PCDHA1: variants seen among roughly 807,000 people sequenced by gnomAD.
PCDHA1 encodes the protein protocadherin alpha 1, also known as protocadherin alpha-1.
Under a neutral mutation model 61.3 loss-of-function variants are expected in PCDHA1, and 42 were observed. The ratio of observed to expected loss-of-function variants is 0.69; its 90% CI spans 0.54 to 0.89. The LOEUF (loss-of-function observed/expected upper bound fraction) is 0.89. Among genes scored for constraint, PCDHA1 ranks in the 40% least tolerant of loss-of-function variants. The pLI, the probability that PCDHA1 is intolerant of heterozygous loss-of-function variation, is 0.00. For missense variants in PCDHA1, 1,256 were observed against 1,235.3 expected, an observed-to-expected ratio of 1.02 and a Z score of -0.25; for synonymous variants, 610 against 553.8, an observed-to-expected ratio of 1.10 and a Z score of -1.43.
At chr5:140,927,376 A>G (rs1554204440) in intron 1 of PCDHA1, 13 of 1,614,094 alleles carry the variant, frequency 8.1e-6, no homozygotes, top group East Asian at 2.2e-5. Context: ...ACTAAGCTAC[A>G]GCCTAAGCCC....
chr5:140,892,054 T>G (rs1409591142), intron 1 of PCDHA1, among the ~76,000 whole-genome samples: 4 of 152,244 alleles, frequency 2.6e-5, no homozygotes, highest in African/African-American at 7.2e-5. Flanking sequence ...TTTTTCAAAT[T>G]TATTGTTACT....
chr5:140,875,381 A>G, intron 1 of PCDHA1: 7 of 1,461,296 alleles, frequency 4.8e-6, no homozygotes, highest in Non-Finnish European at 6.3e-6. Flanking sequence ...CTAAATATGT[A>G]CTTACAGAAA....
At chr5:140,923,221 TTTGAGCCCAGAA>T (rs1584298069) in intron 1 of PCDHA1, among the ~76,000 whole-genome samples, 1 of 71,862 alleles carries the variant, frequency 1.4e-5, no homozygotes, top group Non-Finnish European at 3.3e-5. Flanking sequence ...GAAAGGATCG[TTTGAGCCCAGAA>T]GTTTGAGACC....
At chr5:140,881,579 C>A (rs1299755224) in intron 1 of PCDHA1, among the ~76,000 whole-genome samples, 1 of 152,168 alleles carries the variant, frequency 6.6e-6, no homozygotes, top group Non-Finnish European at 1.5e-5. Context: ...TCTCAAGTCA[C>A]ATTGAGGGAA....
chr5:140,801,114 T>C, intron 1 of PCDHA1: 1 of 1,513,452 alleles, frequency 6.6e-7, no homozygotes, highest in Non-Finnish European at 8.8e-7. Context: ...ACCGAGGAGT[T>C]TAAGAAATGA....
chr5:140,886,458 T>G (rs888629917), intron 1 of PCDHA1, among the ~76,000 whole-genome samples: 1 of 152,174 alleles, frequency 6.6e-6, no homozygotes, highest in Non-Finnish European at 1.5e-5. Flanking sequence ...TTGTCATATA[T>G]AAATGTTTTT....
intron 1 of PCDHA1, chr5:140,842,466 A>G (rs1451214851): frequency 6.2e-7 from 1 of 1,613,794 alleles, no homozygotes; most frequent in Non-Finnish European, 8.5e-7. Context: ...TCAGGTGCCA[A>G]CGGGCAGGTG....
chr5:140,846,983 T>TC (rs1245867749), intron 1 of PCDHA1, among the ~76,000 whole-genome samples: 3 of 148,244 alleles, frequency 2.0e-5, no homozygotes, highest in African/African-American at 7.4e-5. Context: ...ATAAGTAAGT[T>TC]CCCCCCGGGA....
intron 1 of PCDHA1, chr5:140,858,284 T>C: frequency 6.3e-7 from 1 of 1,596,754 alleles, no homozygotes; most frequent in South Asian, 1.1e-5. Flanking sequence ...GGTGGGGAGC[T>C]GGTCTTACTC....
chr5:140,809,230 G>A (rs1581701198), intron 1 of PCDHA1: 1 of 1,614,104 alleles, frequency 6.2e-7, no homozygotes, highest in East Asian at 2.2e-5. Flanking sequence ...CCTCCTCACG[G>A]GCGTTGGTGG....
rs782099262 is a variant in PCDHA1 at position 140,927,918 on chromosome 5, C to A, written c.2395-51031C>A. 3.7e-6 allele frequency: 6 copies of A among 1,614,220 alleles called. No homozygotes were observed. In the South Asian group the frequency reaches 4.4e-5, roughly 12 times the overall value. ...ACGATCATGCCCCCGAACTGGACTT[C>A]CTGACTCTTTCGAACCCAGTACCTG... On this transcript the variant is annotated intron_variant, in intron 1 of 3. Transcript: ENST00000504120.
chr5:140,831,696 A>G (rs946538219), intron 1 of PCDHA1, among the ~76,000 whole-genome samples: 3 of 152,070 alleles, frequency 2.0e-5, no homozygotes, highest in African/African-American at 7.2e-5. Flanking sequence ...AGCAGCAAAA[A>G]GTAGTGATTA....
chr5:140,788,598 A>G lies in PCDHA1; in HGVS notation c.2308A>G (p.Met770Val). ...CGAGGGCCCACCCAAGACCGACCTC[A>G]TGGCCTTCAGCCCAGGCCTATCTCC... The part of the protein sequence containing the change: ...SSEGPPKTDL[M>V]AFSPGLSPSL... Residue 770 changes from methionine to valine, a missense_variant, in exon 1 of 4, where the codon ATG (methionine) becomes GTG (valine). By Grantham distance (21) the Met-to-Val change is conservative. Transcript: ENST00000504120. 1.9e-6 allele frequency: 3 copies of G among 1,614,198 alleles called. No individual in the cohort carries two copies. Among genetic ancestry groups the G allele is most frequent in the Non-Finnish European group, 2.5e-6 (3 of 1,180,010 alleles).
intron 1 of PCDHA1, chr5:140,828,051 C>A (rs2150150373): frequency 6.5e-7 from 1 of 1,545,276 alleles, no homozygotes. Flanking sequence ...TATCTTTATG[C>A]GGAAGATCTT....
intron 1 of PCDHA1, chr5:140,809,454 C>G: frequency 1.9e-6 from 3 of 1,614,194 alleles, no homozygotes; most frequent in African/African-American, 2.7e-5. Context: ...CAGAGGAGGC[C>G]GAGGGTGTGC....
chr5:141,011,102 CT>C lies in PCDHA1; in HGVS notation c.*1166del, dbSNP rs2098419453. The C allele has an allele frequency of 1.3e-5, 2 of 153,744 alleles. No homozygotes were observed. The highest frequency in any genetic ancestry group is 6.5e-5 in the Admixed American group (1 of 15,280). The allele number at this position is 153,744 out of a possible 1,614,324, so 9.5% of individuals were successfully genotyped here. On this transcript the variant is annotated 3_prime_UTR_variant, in exon 4 of 4. Transcript: ENST00000504120. ...ATGATCTCTCTTTCTCTCTCTCTCT[CT>C]CTTTTCTAAGAAACAATTATGTGCA...
At chr5:140,858,437 G>C (rs1343643925) in intron 1 of PCDHA1, 1 of 1,541,950 alleles carries the variant, frequency 6.5e-7, no homozygotes, top group South Asian at 1.2e-5. Context: ...CTCTAGGAAG[G>C]TGGGTTATTA....
intron 1 of PCDHA1, chr5:140,869,991 A>G (rs1554163685): frequency 1.9e-6 from 3 of 1,613,542 alleles, no homozygotes; most frequent in Non-Finnish European, 2.5e-6. Flanking sequence ...CACTAGATCA[A>G]AATAATGGAG....
intron 1 of PCDHA1, chr5:140,926,536 G>T (rs1420585785): frequency 4.6e-6 from 1 of 217,790 alleles, no homozygotes. Flanking sequence ...CGCAGCCAGC[G>T]TGGTGGTCGA....
Sources: allele counts gnomAD v4.1 joint callset (sites outside exome capture counted in the v4.1 genomes callset), GRCh38; gene constraint gnomAD v4.1.1; transcripts MANE v1.5; gene names NCBI Gene and HGNC (gene_info 2026-07-23, HGNC 2026-07-21).